Variants in RBMS1 observed in about 807,000 individuals in gnomAD.
RBMS1 encodes RNA-binding motif, single-stranded-interacting protein 1.
Under a neutral mutation model 62.3 loss-of-function variants are expected in RBMS1, and 17 were observed. That is an observed-to-expected ratio of 0.27 (90% CI 0.19 to 0.41). The LOEUF (loss-of-function observed/expected upper bound fraction) is 0.41. Among genes scored for constraint, RBMS1 ranks in the 10% least tolerant of loss-of-function variants. RBMS1 has a pLI of 1.00. For synonymous variants in RBMS1, 172 were observed against 170.0 expected (o/e 1.01, Z -0.09); for missense variants, 334 against 504.5 (o/e 0.66, Z 3.24).
chr2:160,401,752 T>G (rs1695431235), intron 1 of RBMS1, among the ~76,000 whole-genome samples: 1 of 152,226 alleles, frequency 6.6e-6, no homozygotes, highest in African/African-American at 2.4e-5. Flanking sequence ...CTGATAAGAA[T>G]GATCAATGCT....
rs193022357 is a variant in RBMS1, at chr2:160,337,140, T to C, written c.252-18913A>G. On this transcript the variant is annotated intron_variant, in intron 2 of 13. Coordinates refer to ENST00000348849, the MANE Select transcript of RBMS1 (RefSeq NM_016836.4). Reference sequence around the variant, plus strand: ...TTCGTTTTTCTTTTTCTTTTCTTTTTTTTTTTTTTTTGAGCCAGAGTCTCG... The same window carrying C: ...TTCGTTTTTCTTTTTCTTTTCTTTTCTTTTTTTTTTTGAGCCAGAGTCTCG... Among the ~76,000 whole-genome samples, 118 of 150,474 alleles carry C rather than the reference T, an allele frequency of 7.8e-4. 3 individuals carry two copies. The East Asian group carries it at 0.017, about 22-fold the overall frequency.
intron 1 of RBMS1, chr2:160,408,032 G>A: frequency 4.7e-6 from 3 of 644,222 alleles, no homozygotes; most frequent in Non-Finnish European, 5.7e-6. Context: ...CGGCCCCCGC[G>A]CTCTCCCTCC....
At chr2:160,309,283 G>A (rs904616036) in intron 4 of RBMS1, among the ~76,000 whole-genome samples, 1 of 152,114 alleles carries the variant, frequency 6.6e-6, no homozygotes, top group African/African-American at 2.4e-5. Flanking sequence ...AGCAAGAGAG[G>A]GCGACCACTC....
At chr2:160,435,846 C>A (rs1683086109) in intron 1 of RBMS1, among the ~76,000 whole-genome samples, 1 of 152,142 alleles carries the variant, frequency 6.6e-6, no homozygotes. Flanking sequence ...ATCCTAATGA[C>A]TTAGAGTGTG....
intron 6 of RBMS1, among the ~76,000 whole-genome samples, chr2:160,298,283 G>T (rs150083645): frequency 1.5e-3 from 227 of 152,252 alleles, no homozygotes; most frequent in East Asian, 8.7e-3. Context: ...AAAACAGGAG[G>T]AAGAGCAGAA....
At chr2:160,358,876 G>A (rs1274534885) in intron 2 of RBMS1, among the ~76,000 whole-genome samples, 2 of 149,992 alleles carry the variant, frequency 1.3e-5, no homozygotes, top group South Asian at 2.1e-4. Context: ...TTCTTTCCTC[G>A]ACCCTCAAAG....
At chr2:160,460,582 C>G (rs1218906024) in intron 1 of RBMS1, among the ~76,000 whole-genome samples, 1 of 152,214 alleles carries the variant, frequency 6.6e-6, no homozygotes, top group Non-Finnish European at 1.5e-5. Flanking sequence ...TCTGCCACTA[C>G]ACAACAGTGC....
intron 2 of RBMS1, among the ~76,000 whole-genome samples, chr2:160,359,382 T>C (rs1382547587): frequency 6.6e-6 from 1 of 152,168 alleles, no homozygotes; most frequent in African/African-American, 2.4e-5. Flanking sequence ...CTAAAATAAA[T>C]GTAATAACTA....
chr2:160,411,463 C>T (rs1427775692), intron 1 of RBMS1, among the ~76,000 whole-genome samples: 1 of 152,118 alleles, frequency 6.6e-6, no homozygotes, highest in Non-Finnish European at 1.5e-5. Context: ...GGCTGCAGTC[C>T]CTAGAGCTGC....
intron 10 of RBMS1, among the ~76,000 whole-genome samples, chr2:160,280,809 ATTC>A (rs1688067559): frequency 6.6e-6 from 1 of 152,222 alleles, no homozygotes; most frequent in Non-Finnish European, 1.5e-5. Flanking sequence ...AGTATAACTC[ATTC>A]AATTTAAAAA....
At chr2:160,350,448 AAC>A (rs1197545047) in intron 2 of RBMS1, among the ~76,000 whole-genome samples, 1 of 152,148 alleles carries the variant, frequency 6.6e-6, no homozygotes, top group Non-Finnish European at 1.5e-5. Context: ...GGTACAAATG[AAC>A]AGCCCTGTAA....
chr2:160,360,179 A>T (rs1693046207), intron 2 of RBMS1, among the ~76,000 whole-genome samples: 1 of 152,170 alleles, frequency 6.6e-6, no homozygotes, highest in Non-Finnish European at 1.5e-5. Context: ...CAAAAATAAA[A>T]GCATGGTCAA....
At chr2:160,399,293 C>G (rs1335545630) in intron 1 of RBMS1, among the ~76,000 whole-genome samples, 1 of 152,182 alleles carries the variant, frequency 6.6e-6, no homozygotes, top group Non-Finnish European at 1.5e-5. Context: ...ACCAAAGAAA[C>G]AGCCAATGTA....
intron 1 of RBMS1, among the ~76,000 whole-genome samples, chr2:160,420,014 A>G (rs1363838158): frequency 6.6e-6 from 1 of 152,142 alleles, no homozygotes; most frequent in East Asian, 1.9e-4. Flanking sequence ...CTCTTTCTCC[A>G]TATCTTTTAT....
intron 1 of RBMS1, among the ~76,000 whole-genome samples, chr2:160,372,993 TAAC>T (rs1693806548): frequency 1.3e-5 from 2 of 152,190 alleles, no homozygotes; most frequent in Non-Finnish European, 2.9e-5. Context: ...TCCCATTTGA[TAAC>T]AAGGATATCA....
At chr2:160,398,101 C>T (rs1215261556) in intron 1 of RBMS1, among the ~76,000 whole-genome samples, 1 of 152,172 alleles carries the variant, frequency 6.6e-6, no homozygotes, top group African/African-American at 2.4e-5. Context: ...GAAATTTCTG[C>T]CTGGGATGGC....
intron 2 of RBMS1, among the ~76,000 whole-genome samples, chr2:160,345,045 C>T (rs552938297): frequency 4.6e-5 from 7 of 152,216 alleles, no homozygotes; most frequent in African/African-American, 1.4e-4. Flanking sequence ...TACTATTTTA[C>T]GCCTGTTTTA....
At chr2:160,467,894 GA>G (rs900078247) in intron 1 of RBMS1, among the ~76,000 whole-genome samples, 46 of 146,746 alleles carry the variant, frequency 3.1e-4, no homozygotes, top group Middle Eastern at 3.6e-3. Flanking sequence ...ACCAGCTGAA[GA>G]AAAAAAAAAA....
intron 6 of RBMS1, among the ~76,000 whole-genome samples, chr2:160,299,177 G>T (rs75283712): frequency 0.019 from 2,888 of 152,306 alleles, 34 homozygotes; most frequent in Non-Finnish European, 0.028. Context: ...TGGAGAGAGT[G>T]ATGCATAAAT....
Sources: gnomAD v4.1 joint callset for allele counts (sites outside exome capture counted in the v4.1 genomes callset) on GRCh38, gnomAD v4.1.1 for gene constraint, MANE v1.5 for transcripts, NCBI Gene and HGNC (gene_info 2026-07-23, HGNC 2026-07-21) for gene names.